Variants in STAC observed in about 807,000 individuals in gnomAD.
STAC encodes SH3 and cysteine-rich domain-containing protein.
Under a neutral mutation model 48.8 loss-of-function variants are expected in STAC, and 43 were observed. The ratio of observed to expected loss-of-function variants is 0.88; its 90% confidence interval spans 0.69 to 1.14. The LOEUF (loss-of-function observed/expected upper bound fraction) is 1.14. Ranked by LOEUF, STAC falls within the 50% of genes most tolerant of loss-of-function variation. The pLI is 0.00. For missense variants in STAC, 497 were observed against 504.0 expected, an observed-to-expected ratio of 0.99 and a Z score of 0.13; for synonymous variants, 193 against 179.5, an observed-to-expected ratio of 1.07 and a Z score of -0.60.
Position 36,474,805 on chromosome 3 carries a change from A to C in STAC, c.389-8187A>C, listed in dbSNP as rs1172131776. ...CCTGTTATAATAATATTTTAACTATAAAAGGTAATGTTCTTTTATTAATAA... is the reference window on the plus strand; with the variant it reads ...CCTGTTATAATAATATTTTAACTATCAAAGGTAATGTTCTTTTATTAATAA... On this transcript the variant is annotated intron_variant, in intron 2 of 10. Transcript: ENST00000273183. Among the ~76,000 whole-genome samples, 3 of 152,332 alleles carry C rather than the reference A, an allele frequency of 2.0e-5. No homozygotes were observed. In the East Asian group the frequency reaches 5.8e-4, roughly 29 times the overall value.
At chr3:36,522,318 T>A (rs534818617) in intron 8 of STAC, among the ~76,000 whole-genome samples, 2 of 152,290 alleles carry the variant, frequency 1.3e-5, no homozygotes, top group Admixed American at 6.5e-5. Flanking sequence ...ATTGTCTTTA[T>A]CCTTTGAAAT....
intron 1 of STAC, among the ~76,000 whole-genome samples, chr3:36,438,816 A>G (rs1184938439): frequency 2.0e-5 from 3 of 152,314 alleles, no homozygotes; most frequent in African/African-American, 7.2e-5. Flanking sequence ...CACAGGAGGG[A>G]GACAAGATTG....
At chr3:36,440,809 C>A (rs768719161) in intron 1 of STAC, among the ~76,000 whole-genome samples, 9 of 152,298 alleles carry the variant, frequency 5.9e-5, no homozygotes, top group Admixed American at 1.3e-4. Context: ...GGGGTTAAGA[C>A]AGAGGTGGCT....
chr3:36,383,363 C>T (rs1283106228), intron 1 of STAC, among the ~76,000 whole-genome samples: 1 of 151,896 alleles, frequency 6.6e-6, no homozygotes, highest in Non-Finnish European at 1.5e-5. Context: ...TTTTAATATA[C>T]ACAAAAGTAG....
chr3:36,494,325 G>C (rs1046436170), intron 6 of STAC, among the ~76,000 whole-genome samples: 5 of 152,126 alleles, frequency 3.3e-5, no homozygotes, highest in African/African-American at 1.2e-4. Flanking sequence ...ATTAGCAAAA[G>C]TGTATTAGTC....
chr3:36,395,032 T>G (rs1040273722), intron 1 of STAC, among the ~76,000 whole-genome samples: 7 of 151,384 alleles, frequency 4.6e-5, no homozygotes, highest in South Asian at 2.1e-4. Context: ...TATAGATATA[T>G]ATATATATAT....
intron 1 of STAC, among the ~76,000 whole-genome samples, chr3:36,438,421 G>A (rs1294143132): frequency 6.6e-6 from 1 of 152,124 alleles, no homozygotes; most frequent in Non-Finnish European, 1.5e-5. Context: ...TAATCATTTT[G>A]TAACATCTGT....
At chr3:36,398,634 GAA>G (rs1183528340) in intron 1 of STAC, among the ~76,000 whole-genome samples, 1 of 89,092 alleles carries the variant, frequency 1.1e-5, no homozygotes, top group African/African-American at 4.3e-5. Flanking sequence ...AAAAGAGAGA[GAA>G]AGAAAGAAAG....
chr3:36,528,385 C>T (rs1269789844), intron 8 of STAC, among the ~76,000 whole-genome samples: 1 of 151,612 alleles, frequency 6.6e-6, no homozygotes, highest in Non-Finnish European at 1.5e-5. Context: ...AGGAGAATAG[C>T]TTGAACCAGC....
In STAC at chr3:36,506,730, A is replaced by C. The variant is rs1698412118; in HGVS notation, c.920+896A>C. 4.0e-5 allele frequency among the ~76,000 whole-genome samples: 6 copies of C among 150,572 alleles called. No homozygotes were observed. The South Asian group carries it at 1.3e-3, about 31-fold the overall frequency. ...TTATTCATGATTTGGCTCTCTGTTT[A>C]TTACTGGTGTATAGGAATGCTTGTG... On this transcript the variant is annotated intron_variant, in intron 8 of 10. Transcript: ENST00000273183.
Position 36,486,162 on chromosome 3 carries a change from C to T in STAC, c.600C>T (p.Tyr200=), listed in dbSNP as rs376429894. The T allele has an allele frequency of 1.1e-4, 172 of 1,613,914 alleles. No homozygotes were observed. Among genetic ancestry groups the T allele is most frequent in the Non-Finnish European group, 1.3e-4 (155 of 1,179,888 alleles). Residue 200 remains tyrosine (Y), a synonymous_variant, in exon 5 of 11, where the codon TAC becomes TAT. Transcript: ENST00000273183. ...IACGNKVDPV[Y]ETLRFGTSLA... ...GTGGCAATAAGGTGGACCCTGTCTACGAGACCCTCCGCTTCGGCACCTCCC... is the reference window on the plus strand; with the variant it reads ...GTGGCAATAAGGTGGACCCTGTCTATGAGACCCTCCGCTTCGGCACCTCCC...
At chr3:36,381,957 A>G (rs1242581014) in intron 1 of STAC, among the ~76,000 whole-genome samples, 1 of 152,168 alleles carries the variant, frequency 6.6e-6, no homozygotes, top group Non-Finnish European at 1.5e-5. Context: ...GAAATGAGGG[A>G]AAAAGCCCCA....
chr3:36,390,595 T>A (rs1699734637), intron 1 of STAC, among the ~76,000 whole-genome samples: 1 of 152,040 alleles, frequency 6.6e-6, no homozygotes, highest in Non-Finnish European at 1.5e-5. Flanking sequence ...CTCCCGGGTT[T>A]TGATTGCCAA....
intron 2 of STAC, among the ~76,000 whole-genome samples, chr3:36,470,248 C>T (rs2125690796): frequency 6.6e-6 from 1 of 152,268 alleles, no homozygotes; most frequent in South Asian, 2.1e-4. Context: ...TTCTTTTGTC[C>T]CACGGGGTGC....
chr3:36,526,443 T>C (rs576171754), intron 8 of STAC, among the ~76,000 whole-genome samples: 9 of 152,270 alleles, frequency 5.9e-5, no homozygotes, highest in Admixed American at 6.5e-5. Flanking sequence ...CTTTGCATGT[T>C]TCCACGCACT....
intron 2 of STAC, among the ~76,000 whole-genome samples, chr3:36,464,121 T>C (rs141589637): frequency 0.031 from 4,738 of 152,280 alleles, 220 homozygotes; most frequent in African/African-American, 0.11. Flanking sequence ...TTGAACTAGT[T>C]TACAGTCCCA....
chr3:36,477,849 C>T (rs1697533817), intron 2 of STAC, among the ~76,000 whole-genome samples: 1 of 152,144 alleles, frequency 6.6e-6, no homozygotes. Flanking sequence ...CCCATGTTTT[C>T]GCAACATCTC....
chr3:36,504,541 C>A, intron 7 of STAC, 84 bp downstream of exon 7: 1 of 1,133,276 alleles, frequency 8.8e-7, no homozygotes, highest in South Asian at 1.3e-5. Context: ...GTCATGAAAT[C>A]AATTTAGTGA....
chr3:36,446,206 G>T (rs1007160575), intron 2 of STAC, among the ~76,000 whole-genome samples: 15 of 152,212 alleles, frequency 9.9e-5, no homozygotes, highest in Non-Finnish European at 2.1e-4. Context: ...TCAACACACT[G>T]CTACCCTTTA....
Sources: allele counts gnomAD v4.1 joint callset (sites outside exome capture counted in the v4.1 genomes callset), GRCh38; gene constraint gnomAD v4.1.1; transcripts MANE v1.5; gene names NCBI Gene and HGNC (gene_info 2026-07-23, HGNC 2026-07-21).